MAP2K4: variants seen among roughly 807,000 people sequenced by gnomAD.
MAP2K4 encodes mitogen-activated protein kinase kinase 4.
A neutral mutation model predicts 48.5 loss-of-function variants in MAP2K4; 4 were observed. That is an observed-to-expected ratio of 0.08 (90% CI 0.04 to 0.19). The LOEUF (loss-of-function observed/expected upper bound fraction) is 0.19, where lower values mean the gene tolerates loss of function less well. Among genes scored for constraint, MAP2K4 ranks in the 10% least tolerant of loss-of-function variants. The pLI is 1.00. For synonymous variants in MAP2K4, 166 were observed against 173.1 expected, an observed-to-expected ratio of 0.96 and a Z score of 0.32; for missense variants, 258 against 493.3, an observed-to-expected ratio of 0.52 and a Z score of 4.52.
Position 12,142,359 on chromosome 17 carries a change from G to C in MAP2K4, c.*1099G>C. On this transcript the variant is annotated 3_prime_UTR_variant, in exon 11 of 11. Transcript: ENST00000353533. ...TCACTGGTCCAGGTCTTCAGTTTCCGAATCTCTTTCCCTTCCCCTGTGGTC... is the reference window on the plus strand; with the variant it reads ...TCACTGGTCCAGGTCTTCAGTTTCCCAATCTCTTTCCCTTCCCCTGTGGTC... The C allele has an allele frequency of 4.3e-6, 1 of 233,212 alleles. No homozygotes were observed. The allele number at this position is 233,212 out of a possible 1,614,324, so 14.4% of individuals were successfully genotyped here. A position where few individuals can be genotyped will look rare whatever the true frequency, so the allele number is the denominator to read the frequency against.
At chr17:12,029,396 C>A (rs1353043694) in intron 1 of MAP2K4, among the ~76,000 whole-genome samples, 1 of 151,806 alleles carries the variant, frequency 6.6e-6, no homozygotes, top group East Asian at 1.9e-4. Context: ...TTGCCTGGGG[C>A]CAGGAAAAAT....
chr17:12,068,006 C>T (rs1402615048), intron 2 of MAP2K4, among the ~76,000 whole-genome samples: 1 of 152,042 alleles, frequency 6.6e-6, no homozygotes, highest in Non-Finnish European at 1.5e-5. Flanking sequence ...GGCTTCTAAA[C>T]TTGAGTGAGT....
At chr17:12,132,602 T>C (rs1394206862) in intron 9 of MAP2K4, among the ~76,000 whole-genome samples, 1 of 151,702 alleles carries the variant, frequency 6.6e-6, no homozygotes, top group Non-Finnish European at 1.5e-5. Flanking sequence ...ATTAAAAGTT[T>C]TCCTAAGGAA....
chr17:12,093,407 AT>A lies in MAP2K4; in HGVS notation c.394-2167del, dbSNP rs28923194. ...TAGGCCTTTAGATCATGTAGTCCATATATCCTTTCTGTAGCTACGGTAGGGT... is the reference window on the plus strand; with the variant it reads ...TAGGCCTTTAGATCATGTAGTCCATAATCCTTTCTGTAGCTACGGTAGGGT... On this transcript the variant is annotated intron_variant, in intron 3 of 10. Transcript: ENST00000353533. Among the ~76,000 whole-genome samples, 136 of 152,288 alleles carry A rather than the reference AT, an allele frequency of 8.9e-4. 1 individual carries two copies. The highest frequency in any genetic ancestry group is 8.5e-3 in the East Asian group (44 of 5,172).
intron 1 of MAP2K4, among the ~76,000 whole-genome samples, chr17:12,022,862 A>G (rs1969132732): frequency 6.6e-6 from 1 of 152,222 alleles, no homozygotes; most frequent in Non-Finnish European, 1.5e-5. Flanking sequence ...GCTTGTCTGG[A>G]AAGCTAACCC....
chr17:12,141,348 G>T lies in MAP2K4; in HGVS notation c.*88G>T, dbSNP rs139724158. ...CATCCCGTATCACAGTGTTTTTATT[G>T]CTCGCCCAGACACCATGTGCAATAA... On this transcript the variant is annotated 3_prime_UTR_variant, in exon 11 of 11. Coordinates refer to ENST00000353533, the MANE Select transcript of MAP2K4 (RefSeq NM_003010.4). 91 of 915,588 alleles carry T rather than the reference G, an allele frequency of 9.9e-5. No individual in the cohort carries two copies. The African/African-American group carries it at 1.4e-3, about 14-fold the overall frequency. 56.7% of individuals were successfully genotyped at this position (915,588 alleles called of 1,614,324 possible). A position where few individuals can be genotyped will look rare whatever the true frequency, so the allele number is the denominator to read the frequency against.
At chr17:12,075,139 A>T (rs1244382416) in intron 2 of MAP2K4, among the ~76,000 whole-genome samples, 2 of 152,212 alleles carry the variant, frequency 1.3e-5, no homozygotes, top group Admixed American at 1.3e-4. Flanking sequence ...ATAGTTTCTT[A>T]CAATAGTGAC....
chr17:12,133,420 A>G (rs1567676046), intron 9 of MAP2K4, among the ~76,000 whole-genome samples: 1 of 152,016 alleles, frequency 6.6e-6, no homozygotes, highest in Admixed American at 6.6e-5. Flanking sequence ...CAGATAAGGA[A>G]TTTTGCTTCT....
intron 2 of MAP2K4, among the ~76,000 whole-genome samples, chr17:12,080,151 C>G (rs1256084800): frequency 1.3e-5 from 2 of 152,084 alleles, no homozygotes; most frequent in African/African-American, 4.8e-5. Flanking sequence ...TTTTAAAGTT[C>G]TAAGTTTTTT....
Position 12,028,922 on chromosome 17 carries a change from A to G in MAP2K4, c.115+7921A>G, listed in dbSNP as rs75559284. Among the ~76,000 whole-genome samples, 4 of 152,348 alleles carry G rather than the reference A, an allele frequency of 2.6e-5. No individual in the cohort carries two copies. The East Asian group carries it at 7.7e-4, about 29-fold the overall frequency. The stretch of plus-strand genomic sequence containing the variant: ...CACACTGTTTTCAAACCCTTAAGAT[A>G]ATATTCTTTATTTAAAAATGACAAA... On this transcript the variant is annotated intron_variant, in intron 1 of 10. Coordinates refer to ENST00000353533, the MANE Select transcript of MAP2K4 (RefSeq NM_003010.4).
intron 1 of MAP2K4, among the ~76,000 whole-genome samples, chr17:12,048,621 C>T (rs182482701): frequency 1.3e-5 from 2 of 151,878 alleles, no homozygotes; most frequent in African/African-American, 4.8e-5. Context: ...CCTGATATTG[C>T]GAGTCTAACA....
chr17:12,107,041 A>G (rs1447554707), intron 4 of MAP2K4, among the ~76,000 whole-genome samples: 1 of 152,112 alleles, frequency 6.6e-6, no homozygotes, highest in Non-Finnish European at 1.5e-5. Flanking sequence ...TTTATTGTCA[A>G]ATTGCTTTCA....
chr17:12,039,622 A>G (rs141066719), intron 1 of MAP2K4, among the ~76,000 whole-genome samples: 30 of 152,314 alleles, frequency 2.0e-4, no homozygotes, highest in African/African-American at 6.3e-4. Flanking sequence ...CCTTGATACA[A>G]TTATCTTACC....
At chr17:12,049,252 G>C (rs921059507) in intron 1 of MAP2K4, among the ~76,000 whole-genome samples, 3 of 152,194 alleles carry the variant, frequency 2.0e-5, no homozygotes, top group African/African-American at 7.2e-5. Flanking sequence ...TCTGCGATGT[G>C]ATGTTCTGAA....
chr17:12,090,203 T>A (rs1006532461), intron 3 of MAP2K4, among the ~76,000 whole-genome samples: 5 of 152,200 alleles, frequency 3.3e-5, no homozygotes, highest in Admixed American at 2.6e-4. Flanking sequence ...CCTCTTCACA[T>A]ACATTGTTCA....
chr17:12,115,589 G>C (rs941347088), intron 7 of MAP2K4: 8 of 717,508 alleles, frequency 1.1e-5, no homozygotes, highest in Non-Finnish European at 1.8e-5. Context: ...TTTTGTTGTT[G>C]ATGAAGTGAG....
At chr17:12,075,649 A>G (rs2151543634) in intron 2 of MAP2K4, among the ~76,000 whole-genome samples, 1 of 152,352 alleles carries the variant, frequency 6.6e-6, no homozygotes, top group Admixed American at 6.5e-5. Context: ...CAACTCTAGC[A>G]GTTGAAAAGA....
intron 9 of MAP2K4, among the ~76,000 whole-genome samples, chr17:12,139,357 G>A (rs1408398044): frequency 6.6e-6 from 1 of 152,086 alleles, no homozygotes; most frequent in East Asian, 1.9e-4. Context: ...TTGAGATACA[G>A]AGTATAAACT....
chr17:12,136,736 A>G (rs1973224195), intron 9 of MAP2K4, among the ~76,000 whole-genome samples: 1 of 152,224 alleles, frequency 6.6e-6, no homozygotes, highest in Non-Finnish European at 1.5e-5. Flanking sequence ...TTATACACTG[A>G]CATAATTTTC....
Sources: allele counts gnomAD v4.1 joint callset (sites outside exome capture counted in the v4.1 genomes callset), GRCh38; gene constraint gnomAD v4.1.1; transcripts MANE v1.5; gene names NCBI Gene and HGNC (gene_info 2026-07-23, HGNC 2026-07-21).